Variants in SHISA9 observed in about 807,000 individuals in gnomAD.
SHISA9 encodes protein shisa-9.
SHISA9 carries 13 observed loss-of-function variants against 38.0 expected under a neutral mutation model. The ratio of observed to expected loss-of-function variants is 0.34; its 90% confidence interval spans 0.22 to 0.54. SHISA9 has a LOEUF of 0.54. SHISA9 is among the 20% of genes least tolerant of loss of function. The probability of loss-of-function intolerance (pLI) is 0.91; values close to 1 mark genes in which losing one functional copy is unlikely to be tolerated. For missense variants in SHISA9, 538 were observed against 575.8 expected (o/e 0.93, Z 0.67); for synonymous variants, 275 against 242.0 (o/e 1.14, Z -1.27).
chr16:13,123,136 A>G (rs1396910610), intron 2 of SHISA9, among the ~76,000 whole-genome samples: 2 of 151,022 alleles, frequency 1.3e-5, no homozygotes, highest in African/African-American at 4.9e-5. Context: ...TAGAACTAGG[A>G]TTTGAGAACT....
chr16:12,927,034 T>A (rs1478665985), intron 2 of SHISA9, among the ~76,000 whole-genome samples: 1 of 152,228 alleles, frequency 6.6e-6, no homozygotes, highest in Non-Finnish European at 1.5e-5. Flanking sequence ...GAATACAGAT[T>A]TTTTTTCAGT....
intron 4 of SHISA9, among the ~76,000 whole-genome samples, chr16:13,222,781 TGTGTGTGTA>T (rs1416060375): frequency 9.3e-6 from 1 of 107,396 alleles, no homozygotes; most frequent in African/African-American, 4.1e-5. Flanking sequence ...CTCCACAAGG[TGTGTGTGTA>T]TGTATATATA....
At chr16:13,499,968 G>A in the SHISA9 span, among the ~76,000 whole-genome samples, 1 of 152,220 alleles carries the variant, frequency 6.6e-6, no homozygotes, top group East Asian at 1.9e-4. Context: ...CCCCAAAGGA[G>A]TGCTGCATGG....
At chr16:13,110,219 C>T (rs565129141) in intron 2 of SHISA9, among the ~76,000 whole-genome samples, 60 of 152,284 alleles carry the variant, frequency 3.9e-4, no homozygotes, top group African/African-American at 1.3e-3. Context: ...CTTCCATGCC[C>T]AGCCATTTGC....
At chr16:13,386,918 A>ATATGC in the SHISA9 span, among the ~76,000 whole-genome samples, 1 of 152,240 alleles carries the variant, frequency 6.6e-6, no homozygotes, top group South Asian at 2.1e-4. Context: ...ATCTAAATTC[A>ATATGC]TATGCGTGTC....
chr16:13,023,039 C>G (rs2072876696), intron 2 of SHISA9, among the ~76,000 whole-genome samples: 1 of 152,050 alleles, frequency 6.6e-6, no homozygotes, highest in East Asian at 1.9e-4. Context: ...TTTTATTATA[C>G]TTTAAGTTCT....
the SHISA9 span, among the ~76,000 whole-genome samples, chr16:13,464,353 A>T: frequency 1.3e-5 from 2 of 152,182 alleles, no homozygotes; most frequent in African/African-American, 4.8e-5. Context: ...CTGTCTTACC[A>T]TGGGTTTCTC....
At chr16:13,001,271 C>G (rs2072521200) in intron 2 of SHISA9, among the ~76,000 whole-genome samples, 1 of 152,176 alleles carries the variant, frequency 6.6e-6, no homozygotes, top group Non-Finnish European at 1.5e-5. Flanking sequence ...TGGCTTGTGG[C>G]ACAGACTCCA....
the SHISA9 span, among the ~76,000 whole-genome samples, chr16:13,494,625 C>T: frequency 6.6e-6 from 1 of 151,940 alleles, no homozygotes; most frequent in Non-Finnish European, 1.5e-5. Flanking sequence ...TTAAAGAAAA[C>T]ATGAACTTAT....
At chr16:13,362,150 G>T in the SHISA9 span, among the ~76,000 whole-genome samples, 1 of 147,912 alleles carries the variant, frequency 6.8e-6, no homozygotes, top group African/African-American at 2.5e-5. Context: ...GATTGCTTAA[G>T]CTCAGGAATT....
intron 2 of SHISA9, among the ~76,000 whole-genome samples, chr16:13,073,908 G>C (rs1334763499): frequency 1.3e-5 from 2 of 151,708 alleles, no homozygotes; most frequent in East Asian, 3.9e-4. Flanking sequence ...GGACTCCTTG[G>C]TTTCAGACTT....
chr16:13,304,017 A>T, the SHISA9 span, among the ~76,000 whole-genome samples: 186 of 151,404 alleles, frequency 1.2e-3, no homozygotes, highest in African/African-American at 3.9e-3. Flanking sequence ...TTGGAAATTA[A>T]AAAAAAAAAT....
At chr16:13,311,183 C>A in the SHISA9 span, among the ~76,000 whole-genome samples, 2 of 151,872 alleles carry the variant, frequency 1.3e-5, no homozygotes, top group Non-Finnish European at 2.9e-5. Flanking sequence ...TTCTCCAAAA[C>A]AAAGACATTC....
At chr16:13,434,561 G>T in the SHISA9 span, among the ~76,000 whole-genome samples, 9 of 151,804 alleles carry the variant, frequency 5.9e-5, no homozygotes, top group Admixed American at 1.3e-4. Flanking sequence ...GGGACTACAG[G>T]CGCCCGCCAC....
At chr16:12,987,714 C>T (rs534004471) in intron 2 of SHISA9, among the ~76,000 whole-genome samples, 1 of 152,050 alleles carries the variant, frequency 6.6e-6, no homozygotes, top group South Asian at 2.1e-4. Flanking sequence ...CAAACCTGCA[C>T]GTTCTGCATG....
the SHISA9 span, among the ~76,000 whole-genome samples, chr16:13,259,666 C>G: frequency 6.6e-6 from 1 of 152,218 alleles, no homozygotes; most frequent in African/African-American, 2.4e-5. Context: ...ATGCTCAGTA[C>G]CACATAGAAG....
the SHISA9 span, among the ~76,000 whole-genome samples, chr16:13,335,524 G>A: frequency 4.6e-5 from 7 of 152,160 alleles, no homozygotes; most frequent in Non-Finnish European, 1.0e-4. Context: ...CTTAGAAGAT[G>A]CAAAATTCTC....
At chr16:13,494,810 G>A in the SHISA9 span, among the ~76,000 whole-genome samples, 3 of 152,172 alleles carry the variant, frequency 2.0e-5, no homozygotes, top group African/African-American at 7.2e-5. Flanking sequence ...ATCTGTGCAT[G>A]AATGTTCATA....
the SHISA9 span, among the ~76,000 whole-genome samples, chr16:13,552,570 CATTTCGCAGTTGAGTAAATTGAGGAT>C: frequency 6.6e-6 from 1 of 151,992 alleles, no homozygotes; most frequent in Non-Finnish European, 1.5e-5. Context: ...TTAATATCGC[CATTTCGCAGTTGAGTAAATTGAGGAT>C]AAAAACAGCA....
Sources: allele counts gnomAD v4.1 joint callset (sites outside exome capture counted in the v4.1 genomes callset), GRCh38; gene constraint gnomAD v4.1.1; transcripts MANE v1.5; gene names NCBI Gene and HGNC (gene_info 2026-07-23, HGNC 2026-07-21).